The following SAPCD2 variants were observed in gnomAD, a reference collection of about 807,000 sequenced individuals.
SAPCD2 encodes the protein suppressor APC domain containing 2, also known as suppressor APC domain-containing protein 2.
SAPCD2 carries 34 observed loss-of-function variants against 37.8 expected under a neutral mutation model. That is an observed-to-expected ratio of 0.90 (90% CI 0.68 to 1.20). The LOEUF is 1.20. SAPCD2 is among the 50% of genes most tolerant of loss of function. The pLI, the probability that SAPCD2 is intolerant of heterozygous loss-of-function variation, is 0.00. For missense variants in SAPCD2, 572 were observed against 584.7 expected, an observed-to-expected ratio of 0.98 and a Z score of 0.22; for synonymous variants, 275 against 270.3, an observed-to-expected ratio of 1.02 and a Z score of -0.17.
intron 2 of SAPCD2, among the ~76,000 whole-genome samples, 153 bp from the exon 3 acceptor site, chr9:137,065,821 C>T (rs1039577274): frequency 6.6e-6 from 1 of 152,252 alleles, no homozygotes; most frequent in Admixed American, 6.5e-5. Context: ...ACGCACGCTT[C>T]TGCTGACACC....
At chr9:137,066,157 A>G (rs1832542888) in intron 2 of SAPCD2, 105 bp downstream of exon 2, 1 of 873,318 alleles carries the variant, frequency 1.1e-6, no homozygotes, top group Admixed American at 2.1e-5. Context: ...AGCTGACTGT[A>G]CTTCCGCCAT....
chr9:137,070,356 C>T lies in SAPCD2; in HGVS notation c.105G>A (p.Leu35=). 2.1e-6 allele frequency: 3 copies of T among 1,460,992 alleles called. No homozygotes were observed. Among genetic ancestry groups the T allele is most frequent in the Non-Finnish European group, 2.7e-6 (3 of 1,107,232 alleles). 90.5% of individuals were successfully genotyped at this position (1,460,992 alleles called of 1,614,324 possible). A position where few individuals can be genotyped will look rare whatever the true frequency, so the allele number is the denominator to read the frequency against. The change falls in exon 1 of 6, where the codon CTG becomes CTA. Residue 35 remains leucine, a synonymous_variant. Coordinates refer to ENST00000409687, the MANE Select transcript of SAPCD2 (RefSeq NM_178448.4). ...GCCGCCGGTCGTCCAGGATGTCGAA[C>T]AGGGTGCGCAGGCTCTGCAGGAAGG... ...PRAFLQSLRT[L]FDILDDRRRG...
In SAPCD2 at chr9:137,064,950, G is replaced by A. The variant is rs112875294; in HGVS notation, c.969C>T (p.Pro323=). ...RALPPSSSGP[P]CPALTSTSPP... Reference sequence around the variant, plus strand: ...GTGAGGTGGACGTCAGGGCAGGGCAGGGGGGCCCGGAGGAGGACGGGGGCA... The same window carrying A: ...GTGAGGTGGACGTCAGGGCAGGGCAAGGGGGCCCGGAGGAGGACGGGGGCA... The change falls in exon 5 of 6, where the codon CCC becomes CCT. Residue 323 remains proline, a synonymous_variant. Transcript: ENST00000409687. 2.6e-6 allele frequency: 4 copies of A among 1,548,062 alleles called. No homozygotes were observed. Among genetic ancestry groups the A allele is most frequent in the African/African-American group, 1.4e-5 (1 of 73,206 alleles).
At chr9:137,066,438 G>T in intron 1 of SAPCD2, 64 bp from the exon 2 acceptor site, 1 of 1,308,150 alleles carries the variant, frequency 7.6e-7, no homozygotes, top group Non-Finnish European at 1.1e-6. Flanking sequence ...CTGCTGAGGT[G>T]CAGCGGCCTC....
chr9:137,063,647 C>T lies in SAPCD2; in HGVS notation c.*1012G>A, dbSNP rs1832497294. Reference sequence around the variant, plus strand: ...GGTTGGGCTGAGCAGGGCCCCCCCACCAGTGCGTACTCCAGCACCAGCGGG... The same window carrying T: ...GGTTGGGCTGAGCAGGGCCCCCCCATCAGTGCGTACTCCAGCACCAGCGGG... On this transcript the variant is annotated 3_prime_UTR_variant, in exon 6 of 6. Coordinates refer to ENST00000409687, the MANE Select transcript of SAPCD2 (RefSeq NM_178448.4). 6.6e-6 allele frequency: 1 copy of T among 152,314 alleles called. No individual in the cohort carries two copies. The highest frequency in any genetic ancestry group is 6.5e-5 in the Admixed American group (1 of 15,284). The allele number at this position is 152,314 out of a possible 1,614,324, so 9.4% of individuals were successfully genotyped here. A position where few individuals can be genotyped will look rare whatever the true frequency, so the allele number is the denominator to read the frequency against.
At chr9:137,067,541 G>GC (rs886719984) in intron 1 of SAPCD2, among the ~76,000 whole-genome samples, 5 of 150,664 alleles carry the variant, frequency 3.3e-5, no homozygotes, top group East Asian at 2.0e-4. Context: ...GGAAGCTGGG[G>GC]CGGGGGGGGA....
At chr9:137,068,643 G>T (rs1832582839) in intron 1 of SAPCD2, among the ~76,000 whole-genome samples, 1 of 152,226 alleles carries the variant, frequency 6.6e-6, no homozygotes, top group Non-Finnish European at 1.5e-5. Context: ...CCCTCCGTTT[G>T]CCTGTGAGAG....
At position 137,066,524 on chromosome 9, in the gene SAPCD2, G is replaced by A. The variant is rs1449619412; in HGVS notation, c.572-150C>T. On this transcript the variant is annotated intron_variant, in intron 1 of 5. Coordinates refer to ENST00000409687, the MANE Select transcript of SAPCD2 (RefSeq NM_178448.4). ...CGTGTAGCCTCTGTGCCAGGCTGGA[G>A]TTTGGTCCCTCTCCCCTTTCCAGCT... 4 of 612,192 alleles carry A rather than the reference G, an allele frequency of 6.5e-6. No homozygotes were observed. The East Asian group carries it at 1.2e-4, about 18-fold the overall frequency. 37.9% of individuals were successfully genotyped at this position (612,192 alleles called of 1,614,324 possible). A position where few individuals can be genotyped will look rare whatever the true frequency, so the allele number is the denominator to read the frequency against.
intron 3 of SAPCD2, 60 bp from the exon 4 acceptor site, chr9:137,065,245 G>A (rs1832526534): frequency 1.6e-6 from 2 of 1,230,608 alleles, no homozygotes; most frequent in Admixed American, 2.9e-5. Context: ...CCAGCAAGGT[G>A]CCTTGATAGG....
rs1164936589 is a variant in SAPCD2 at position 137,064,753 on chromosome 9, A to G, written c.1091T>C (p.Leu364Pro). The change falls in exon 6 of 6, where the codon CTG becomes CCG. Residue 364 changes from leucine (L) to proline (P), a missense_variant. Physicochemically the swap from Leu to Pro is moderately conservative, Grantham distance 98. Coordinates refer to ENST00000409687, the MANE Select transcript of SAPCD2 (RefSeq NM_178448.4). ...AATGAGCGCCGACTTCTCCTGCTCC[A>G]GCTGCGTGATGCGCTCACTCTTCTC... Reference protein sequence around the residue: ...VTEKSERITQLEQEKSALIKQ... With the variant: ...VTEKSERITQPEQEKSALIKQ... The G allele has an allele frequency of 6.3e-7, 1 of 1,594,300 alleles. No homozygotes were observed. The highest frequency in any genetic ancestry group is 2.3e-5 in the East Asian group (1 of 43,864).
chr9:137,063,467 G>C lies in SAPCD2; in HGVS notation c.*1192C>G, dbSNP rs1224137322. 3 of 151,728 alleles carry C rather than the reference G, an allele frequency of 2.0e-5. No homozygotes were observed. Among genetic ancestry groups the C allele is most frequent in the East Asian group, 3.9e-4 (2 of 5,122 alleles). 9.4% of individuals were successfully genotyped at this position (151,728 alleles called of 1,614,324 possible). ...CCTGCGCCCCCCACGCACTGACCCC[G>C]CATCGGAGGCCCTGCGCCCCACACA... On this transcript the variant is annotated 3_prime_UTR_variant, in exon 6 of 6. Coordinates refer to ENST00000409687, the MANE Select transcript of SAPCD2 (RefSeq NM_178448.4).
At position 137,064,226 on chromosome 9, in the gene SAPCD2, C is replaced by A; in HGVS notation, c.*433G>T. The A allele has an allele frequency of 4.4e-6, 1 of 227,948 alleles. No individual in the cohort carries two copies. The allele number at this position is 227,948 out of a possible 1,614,324, so 14.1% of individuals were successfully genotyped here. A position where few individuals can be genotyped will look rare whatever the true frequency, so the allele number is the denominator to read the frequency against. On this transcript the variant is annotated 3_prime_UTR_variant, in exon 6 of 6. Coordinates refer to ENST00000409687, the MANE Select transcript of SAPCD2 (RefSeq NM_178448.4). ...TGCCCTGGTTGAGCGGGAAGCTGCC[C>A]TTGGACCCGCGTCGGAGCCGCCCCG...
At position 137,064,878 on chromosome 9, in the gene SAPCD2, G is replaced by A. The variant is rs779371751; in HGVS notation, c.1041C>T (p.Asn347=). ...CCTGCCCTACCTGGGTGAGGAGTCGGTTCTGCTCCTTCAGCATGAGGATGG... is the reference window on the plus strand; with the variant it reads ...CCTGCCCTACCTGGGTGAGGAGTCGATTCTGCTCCTTCAGCATGAGGATGG... The part of the protein sequence containing the change: ...QQTILMLKEQ[N]RLLTQEVTEK... Residue 347 remains asparagine (N), a synonymous_variant, in exon 5 of 6, where the codon AAC becomes AAT. Coordinates refer to ENST00000409687, the MANE Select transcript of SAPCD2 (RefSeq NM_178448.4). The A allele has an allele frequency of 3.8e-6, 6 of 1,564,086 alleles. No individual in the cohort carries two copies. In the East Asian group the frequency reaches 9.5e-5, roughly 25 times the overall value.
intron 1 of SAPCD2, among the ~76,000 whole-genome samples, chr9:137,066,611 C>T (rs1342263821): frequency 1.3e-5 from 2 of 152,240 alleles, no homozygotes; most frequent in Non-Finnish European, 2.9e-5. Context: ...AACACACACC[C>T]TGCCCCCTCA....
intron 1 of SAPCD2, among the ~76,000 whole-genome samples, chr9:137,068,016 C>A (rs1306312798): frequency 2.6e-5 from 4 of 152,150 alleles, no homozygotes; most frequent in African/African-American, 9.7e-5. Flanking sequence ...AGGAAGGCAT[C>A]CTCCTTCGGC....
chr9:137,066,204 C>T, intron 2 of SAPCD2, 58 bp downstream of exon 2: 2 of 1,390,448 alleles, frequency 1.4e-6, no homozygotes, highest in Non-Finnish European at 2.0e-6. Flanking sequence ...TGCTCCCATC[C>T]CGGCCTCCAG....
rs1424744977 is a variant in SAPCD2 at position 137,064,533 on chromosome 9, C to T, written c.*126G>A. 1.4e-5 allele frequency: 16 copies of T among 1,145,780 alleles called. No individual in the cohort carries two copies. The highest frequency in any genetic ancestry group is 5.0e-5 in the Admixed American group (2 of 39,732). The allele number at this position is 1,145,780 out of a possible 1,614,324, so 71.0% of individuals were successfully genotyped here. ...ATCTGGCAAGGGCGGCAGGAAGGCGCCCACTCCGGGACTGTGCCTGGGCCT... is the reference window on the plus strand; with the variant it reads ...ATCTGGCAAGGGCGGCAGGAAGGCGTCCACTCCGGGACTGTGCCTGGGCCT... On this transcript the variant is annotated 3_prime_UTR_variant, in exon 6 of 6. Coordinates refer to ENST00000409687, the MANE Select transcript of SAPCD2 (RefSeq NM_178448.4).
chr9:137,065,480 T>C (rs1226377616), intron 3 of SAPCD2, 42 bp downstream of exon 3: 36 of 1,547,498 alleles, frequency 2.3e-5, no homozygotes, highest in Non-Finnish European at 2.9e-5. Context: ...TGAGCTGGGG[T>C]CCCCATGTGT....
In SAPCD2 at chr9:137,062,176, T is replaced by C. The variant is rs1170794227; in HGVS notation, c.*2483A>G. On this transcript the variant is annotated 3_prime_UTR_variant, in exon 6 of 6. Coordinates refer to ENST00000409687, the MANE Select transcript of SAPCD2 (RefSeq NM_178448.4). Reference sequence around the variant, plus strand: ...ATTTCTTTAGATATATAAAACACTGTTACTTTATATTCTCTCTGATAATTC... The same window carrying C: ...ATTTCTTTAGATATATAAAACACTGCTACTTTATATTCTCTCTGATAATTC... 1.3e-5 allele frequency: 2 copies of C among 152,242 alleles called. No homozygotes were observed. Among genetic ancestry groups the C allele is most frequent in the African/African-American group, 4.8e-5 (2 of 41,466 alleles). The allele number at this position is 152,242 out of a possible 1,614,324, so 9.4% of individuals were successfully genotyped here. A position where few individuals can be genotyped will look rare whatever the true frequency, so the allele number is the denominator to read the frequency against.
Sources: gnomAD v4.1 joint callset for allele counts (sites outside exome capture counted in the v4.1 genomes callset) on GRCh38, gnomAD v4.1.1 for gene constraint, MANE v1.5 for transcripts, NCBI Gene and HGNC (gene_info 2026-07-23, HGNC 2026-07-21) for gene names.